MGST1: variants seen among roughly 807,000 people sequenced by gnomAD.
MGST1 encodes the protein glutathione S-transferase 12.
Under a neutral mutation model 8.9 loss-of-function variants are expected in MGST1, and 5 were observed. The observed-to-expected ratio is 0.56, with a 90% CI of 0.29 to 1.19. The LOEUF (loss-of-function observed/expected upper bound fraction) is 1.19. Among genes scored for constraint, MGST1 ranks in the 50% most tolerant of loss-of-function variants. The probability of loss-of-function intolerance (pLI) is 0.08; values close to 1 mark genes in which losing one functional copy is unlikely to be tolerated. For missense variants in MGST1, 182 were observed against 187.4 expected (o/e 0.97, Z 0.17); for synonymous variants, 54 against 67.8 (o/e 0.80, Z 1.00).
At chr12:16,568,453 C>A (rs1320182054) in intron 4 of MGST1, among the ~76,000 whole-genome samples, 2 of 152,128 alleles carry the variant, frequency 1.3e-5, no homozygotes, top group African/African-American at 2.4e-5. Flanking sequence ...AGCTAAGTAC[C>A]CATTCACTTA....
intron 4 of MGST1, among the ~76,000 whole-genome samples, chr12:16,574,297 G>A (rs966861839): frequency 3.3e-5 from 5 of 152,146 alleles, no homozygotes; most frequent in African/African-American, 1.2e-4. Flanking sequence ...AGTTGCAGAT[G>A]CAGGATGTCT....
Position 16,458,648 on chromosome 12 carries a change from A to C in MGST1, n.482+75044A>C, listed in dbSNP as rs1204793961. Among the ~76,000 whole-genome samples the C allele has an allele frequency of 6.6e-6, 1 of 152,088 alleles. No individual in the cohort carries two copies. Among genetic ancestry groups the C allele is most frequent in the Admixed American group, 6.6e-5 (1 of 15,234 alleles). On this transcript the variant is annotated intron_variant and non_coding_transcript_variant, in intron 4 of 4. Transcript: ENST00000538857. This position sits in a 1 kb window ranked among gnomAD's most constrained non-coding sequence, Gnocchi z 4.0. ...ATGAAAATGAAATTATATATTATAA[A>C]CATGGAATATCAGTAGGTAGGCAGT... is the stretch of plus-strand genomic sequence containing the variant.
chr12:16,473,970 C>G (rs1316884182), intron 4 of MGST1, among the ~76,000 whole-genome samples: 1 of 152,176 alleles, frequency 6.6e-6, no homozygotes, highest in African/African-American at 2.4e-5. Flanking sequence ...TCTTTGTCAT[C>G]TTATTTCTAT....
chr12:16,352,881 T>C (rs574630288), intron 1 of MGST1, among the ~76,000 whole-genome samples: 39 of 152,216 alleles, frequency 2.6e-4, no homozygotes, highest in Non-Finnish European at 5.0e-4. Context: ...TCTCCTTCTT[T>C]ACCTGTCTTC....
At chr12:16,535,429 T>C (rs1346474517) in intron 4 of MGST1, among the ~76,000 whole-genome samples, 4 of 152,182 alleles carry the variant, frequency 2.6e-5, no homozygotes, top group African/African-American at 9.7e-5. Flanking sequence ...TAAAGAGTTT[T>C]AGTATAAGTA....
intron 4 of MGST1, among the ~76,000 whole-genome samples, chr12:16,556,347 A>AATTTT (rs1740867484): frequency 2.0e-5 from 3 of 152,180 alleles, no homozygotes; most frequent in African/African-American, 7.2e-5. Flanking sequence ...TTTAAAATAG[A>AATTTT]GAAACTAGCC....
At chr12:16,590,127 A>T (rs1269142826), downstream of MGST1, among the ~76,000 whole-genome samples, 1 of 152,130 alleles carries the variant, frequency 6.6e-6, no homozygotes, top group Middle Eastern at 3.2e-3. Context: ...GTTTAAACTT[A>T]AACATTTTTA....
At chr12:16,380,629 G>A (rs1264054904), downstream of MGST1, among the ~76,000 whole-genome samples, 2 of 152,248 alleles carry the variant, frequency 1.3e-5, no homozygotes, top group African/African-American at 4.8e-5. Flanking sequence ...GTTGATTTGG[G>A]GTGGAGAGTT....
At chr12:16,524,114 C>G (rs1468303930) in intron 4 of MGST1, among the ~76,000 whole-genome samples, 1 of 151,952 alleles carries the variant, frequency 6.6e-6, no homozygotes, top group Admixed American at 6.6e-5. Flanking sequence ...CTAAATTTGT[C>G]AGAAAGTGTT....
Position 16,399,476 on chromosome 12 carries a change from CTCT to C in MGST1, n.778+15878_778+15880del, listed in dbSNP as rs554647244. On this transcript the variant is annotated intron_variant and non_coding_transcript_variant, in intron 1 of 1. Transcript: ENST00000359720. ...CCAGTTCATCCCAATCCTTTCCACT[CTCT>C]TCTTCACTACCCAACGACTCCTTAG... 2.0e-4 allele frequency: 304 copies of C among 1,554,554 alleles called. No individual in the cohort carries two copies. In the African/African-American group the frequency reaches 3.9e-3, roughly 20 times the overall value.
At chr12:16,440,877 A>G (rs1485168916), downstream of MGST1, among the ~76,000 whole-genome samples, 2 of 151,874 alleles carry the variant, frequency 1.3e-5, no homozygotes, top group African/African-American at 4.8e-5. Flanking sequence ...TCATTGCCAA[A>G]AATTGCTATT....
chr12:16,372,616 T>C (rs1940312309), intron 3 of MGST1, among the ~76,000 whole-genome samples: 1 of 151,968 alleles, frequency 6.6e-6, no homozygotes, highest in Admixed American at 6.6e-5. Flanking sequence ...GAAAACAGTA[T>C]GAAGATTTCT....
intron 1 of MGST1, among the ~76,000 whole-genome samples, chr12:16,423,837 G>A (rs1940863078): frequency 6.6e-6 from 1 of 152,122 alleles, no homozygotes; most frequent in Admixed American, 6.5e-5. Context: ...TCCCCACTTG[G>A]CAGGTACATT....
intron 4 of MGST1, among the ~76,000 whole-genome samples, chr12:16,575,067 T>C (rs1942950732): frequency 6.6e-6 from 1 of 152,184 alleles, no homozygotes; most frequent in African/African-American, 2.4e-5. Flanking sequence ...TGTTTATTTT[T>C]ACCTAGAAAA....
intron 1 of MGST1, among the ~76,000 whole-genome samples, chr12:16,414,226 T>C (rs1940766043): frequency 6.6e-6 from 1 of 151,778 alleles, no homozygotes; most frequent in South Asian, 2.1e-4. Context: ...GTATACTGAT[T>C]TATGATTTTC....
intron 1 of MGST1, among the ~76,000 whole-genome samples, chr12:16,425,290 AT>A (rs1565451988): frequency 1.3e-5 from 2 of 152,080 alleles, no homozygotes; most frequent in Non-Finnish European, 2.9e-5. Context: ...TTTATTATGT[AT>A]TTATTTATTT....
At chr12:16,565,622 A>G (rs1942572211) in intron 4 of MGST1, among the ~76,000 whole-genome samples, 1 of 152,132 alleles carries the variant, frequency 6.6e-6, no homozygotes, top group South Asian at 2.1e-4. Flanking sequence ...ATTATTTTGA[A>G]CTGTGTTTCT....
chr12:16,445,198 G>A (rs907679146), intron 4 of MGST1, among the ~76,000 whole-genome samples: 10 of 151,618 alleles, frequency 6.6e-5, no homozygotes, highest in Admixed American at 2.0e-4. Context: ...GTTCTTAGGT[G>A]TGGAATGTGT....
intron 1 of MGST1, among the ~76,000 whole-genome samples, chr12:16,396,910 A>G (rs1940610956): frequency 6.6e-6 from 1 of 152,164 alleles, no homozygotes; most frequent in African/African-American, 2.4e-5. Flanking sequence ...TACCACCATT[A>G]TTCTTCACAG....
Sources: allele counts gnomAD v4.1 joint callset (sites outside exome capture counted in the v4.1 genomes callset), GRCh38; gene constraint gnomAD v4.1.1; non-coding constraint Gnocchi (gnomAD v3.1); transcripts MANE v1.5; gene names NCBI Gene and HGNC (gene_info 2026-07-23, HGNC 2026-07-21).